The following FUBP3 variants were observed in gnomAD, a reference collection of about 807,000 sequenced individuals.
The protein encoded by FUBP3 is far upstream element-binding protein 3.
Under a neutral mutation model 85.6 loss-of-function variants are expected in FUBP3, and 28 were observed. That is an observed-to-expected ratio of 0.33 (90% confidence interval 0.24 to 0.45). The LOEUF is 0.45. Among genes scored for constraint, FUBP3 ranks in the 20% least tolerant of loss-of-function variants. The pLI is 1.00. For missense variants in FUBP3, 583 were observed against 755.1 expected (o/e 0.77, Z 2.67); for synonymous variants, 271 against 271.4 (o/e 1.00, Z 0.01).
rs1327812634 is a variant in FUBP3 at position 130,635,752 on chromosome 9, C to T, written c.1583-247C>T. 8 of 392,002 alleles carry T rather than the reference C, an allele frequency of 2.0e-5. No individual in the cohort carries two copies. In the South Asian group the frequency reaches 2.9e-4, roughly 14 times the overall value. The allele number at this position is 392,002 out of a possible 1,614,324, so 24.3% of individuals were successfully genotyped here. A position where few individuals can be genotyped will look rare whatever the true frequency, so the allele number is the denominator to read the frequency against. On this transcript the variant is annotated intron_variant, in intron 17 of 18. Coordinates refer to ENST00000319725, the MANE Select transcript of FUBP3 (RefSeq NM_003934.2). The surrounding 1 kb of genome is among the most constrained non-coding windows in gnomAD (Gnocchi z 4.3). ...GGCAGGCAGGGAGATGCAGAGAATG[C>T]GCTTCCGCAGAGAGAAGGCAGGCGT...
At chr9:130,601,943 A>G (rs1410175678) in intron 2 of FUBP3, among the ~76,000 whole-genome samples, 1 of 151,864 alleles carries the variant, frequency 6.6e-6, no homozygotes, top group East Asian at 1.9e-4. Flanking sequence ...CTGGGATTAC[A>G]GGCGTGCGCC....
At chr9:130,626,136 GT>G (rs1829961775) in intron 11 of FUBP3, among the ~76,000 whole-genome samples, 1 of 152,186 alleles carries the variant, frequency 6.6e-6, no homozygotes. Flanking sequence ...CATTTGAGCT[GT>G]TTATGTAACC....
At chr9:130,610,871 GT>G (rs1376710511) in intron 3 of FUBP3, among the ~76,000 whole-genome samples, 1 of 152,098 alleles carries the variant, frequency 6.6e-6, no homozygotes, top group Non-Finnish European at 1.5e-5. Context: ...TGTTTGCTTT[GT>G]TTTGTTTGTT....
At chr9:130,604,721 A>G (rs914253018) in intron 2 of FUBP3, among the ~76,000 whole-genome samples, 1 of 151,664 alleles carries the variant, frequency 6.6e-6, no homozygotes, top group African/African-American at 2.4e-5. Flanking sequence ...ACAAGGTGAA[A>G]CCCCGCCTCT....
At chr9:130,598,823 C>T (rs1262487077) in intron 2 of FUBP3, among the ~76,000 whole-genome samples, 2 of 152,158 alleles carry the variant, frequency 1.3e-5, no homozygotes, top group Non-Finnish European at 1.5e-5. Context: ...AAAGAATTTT[C>T]CCCCAAAGGC....
intron 2 of FUBP3, among the ~76,000 whole-genome samples, chr9:130,596,189 C>A (rs1830857446): frequency 6.6e-6 from 1 of 152,176 alleles, no homozygotes; most frequent in Admixed American, 6.5e-5. Context: ...GGCAGAGTAT[C>A]TATCAGATGT....
At chr9:130,629,233 C>G (rs533647825) in intron 12 of FUBP3, among the ~76,000 whole-genome samples, 58 of 152,308 alleles carry the variant, frequency 3.8e-4, no homozygotes, top group Non-Finnish European at 7.4e-4. Context: ...GGTGCTGGCC[C>G]GGTGTCCCCA....
intron 1 of FUBP3, chr9:130,581,356 A>G (rs968284764): frequency 1.3e-5 from 2 of 152,218 alleles, no homozygotes; most frequent in African/African-American, 2.4e-5. Flanking sequence ...TGAAAACTTC[A>G]TTGGAATTGT....
intron 5 of FUBP3, 113 bp from the exon 6 acceptor site, chr9:130,614,175 C>T (rs1831886497): frequency 1.6e-6 from 1 of 616,046 alleles, no homozygotes; most frequent in South Asian, 2.2e-5. Context: ...TTTCTGGGAG[C>T]CTGGGCCTCT....
intron 1 of FUBP3, among the ~76,000 whole-genome samples, chr9:130,580,478 G>A (rs914139668): frequency 6.6e-6 from 1 of 152,120 alleles, no homozygotes; most frequent in African/African-American, 2.4e-5. Flanking sequence ...ACTGGCTTCT[G>A]GCATGGTACT....
intron 12 of FUBP3, among the ~76,000 whole-genome samples, chr9:130,629,298 G>T (rs1830117939): frequency 6.6e-6 from 1 of 152,200 alleles, no homozygotes; most frequent in Admixed American, 6.5e-5. Context: ...TGAAACTCCA[G>T]CGGGACCTTA....
intron 1 of FUBP3, among the ~76,000 whole-genome samples, chr9:130,589,635 C>T (rs976748036): frequency 6.9e-5 from 10 of 144,424 alleles, no homozygotes; most frequent in African/African-American, 2.6e-4. Context: ...TGAACCCCTG[C>T]ACCCAGCCAG....
At chr9:130,632,438 G>T (rs1830252320) in intron 16 of FUBP3, among the ~76,000 whole-genome samples, 160 bp downstream of exon 16, 3 of 152,348 alleles carry the variant, frequency 2.0e-5, no homozygotes, top group Non-Finnish European at 2.9e-5. Flanking sequence ...CCTCCTGCAG[G>T]CCTGTACCAG....
intron 8 of FUBP3, 147 bp downstream of exon 8, chr9:130,618,042 A>C (rs1387812630): frequency 1.8e-6 from 1 of 546,850 alleles, no homozygotes; most frequent in Admixed American, 3.3e-5. Context: ...TTGGTGATGA[A>C]AAGAATCTAG....
intron 12 of FUBP3, among the ~76,000 whole-genome samples, chr9:130,629,374 T>A (rs1050424020): frequency 1.3e-5 from 2 of 152,206 alleles, no homozygotes; most frequent in Non-Finnish European, 2.9e-5. Flanking sequence ...ACCCTAAACT[T>A]AACCAACGTC....
chr9:130,634,161 A>C (rs1830324495), intron 16 of FUBP3, among the ~76,000 whole-genome samples: 1 of 152,128 alleles, frequency 6.6e-6, no homozygotes, highest in African/African-American at 2.4e-5. Flanking sequence ...GGGCTGGACC[A>C]CCCAAACACA....
chr9:130,599,379 GTGTGTATA>G (rs1177030166), intron 2 of FUBP3, among the ~76,000 whole-genome samples: 2 of 124,706 alleles, frequency 1.6e-5, no homozygotes, highest in African/African-American at 6.1e-5. Context: ...GTGTGTGTGT[GTGTGTATA>G]TATATATATA....
intron 1 of FUBP3, among the ~76,000 whole-genome samples, chr9:130,590,567 A>G (rs147318580): frequency 1.2e-3 from 176 of 152,316 alleles, no homozygotes; most frequent in African/African-American, 3.9e-3. Flanking sequence ...GCTTGCAGAT[A>G]AGGAGGAGAG....
At chr9:130,608,244 T>C (rs997536386) in intron 2 of FUBP3, among the ~76,000 whole-genome samples, 4 of 152,190 alleles carry the variant, frequency 2.6e-5, no homozygotes, top group South Asian at 2.1e-4. Context: ...TGAGGAATGC[T>C]GAGCACCTCT....
Sources: gnomAD v4.1 joint callset for allele counts (sites outside exome capture counted in the v4.1 genomes callset) on GRCh38, gnomAD v4.1.1 for gene constraint, Gnocchi (gnomAD v3.1) non-coding constraint, MANE v1.5 for transcripts, NCBI Gene and HGNC (gene_info 2026-07-23, HGNC 2026-07-21) for gene names.